EPHB1: variants seen among roughly 807,000 people sequenced by gnomAD.
EPHB1 encodes ephrin type-B receptor 1.
In EPHB1, 30 loss-of-function variants were observed where a neutral mutation model predicts 94.4. That is an observed-to-expected ratio of 0.32 (90% CI 0.24 to 0.43). The LOEUF (loss-of-function observed/expected upper bound fraction) is 0.43, where lower values mean the gene tolerates loss of function less well. Among genes scored for constraint, EPHB1 ranks in the 20% least tolerant of loss-of-function variants. The pLI is 1.00. For synonymous variants in EPHB1, 522 were observed against 489.1 expected (o/e 1.07, Z -0.89); for missense variants, 1,055 against 1,308.3 (o/e 0.81, Z 2.99).
rs1447272857 is a variant in EPHB1, at chr3:134,979,908, GT to G, written c.805+27864del. 2.6e-5 allele frequency among the ~76,000 whole-genome samples: 4 copies of G among 152,050 alleles called. No homozygotes were observed. The South Asian group carries it at 6.3e-4, about 24-fold the overall frequency. ...GTCTAGACCCTCTCTCCCTTAATCAGTTTTTTTTGTTGTTGTTGTTACTTTG... is the reference window on the plus strand; with the variant it reads ...GTCTAGACCCTCTCTCCCTTAATCAGTTTTTTTGTTGTTGTTGTTACTTTG... On this transcript the variant is annotated intron_variant, in intron 3 of 15. Transcript: ENST00000398015.
At chr3:134,993,474 G>A (rs1471745770) in intron 3 of EPHB1, among the ~76,000 whole-genome samples, 5 of 152,164 alleles carry the variant, frequency 3.3e-5, no homozygotes, top group Non-Finnish European at 5.9e-5. Context: ...TCAATTGATC[G>A]GGGACTGGAG....
intron 3 of EPHB1, among the ~76,000 whole-genome samples, chr3:134,974,892 G>A (rs1160618038): frequency 2.3e-5 from 2 of 88,178 alleles, no homozygotes; most frequent in African/African-American, 1.4e-4. Context: ...TGCTTGAGCT[G>A]CTCCTGTGCC....
At chr3:135,108,825 G>C (rs1333037885) in intron 4 of EPHB1, among the ~76,000 whole-genome samples, 1 of 152,180 alleles carries the variant, frequency 6.6e-6, no homozygotes, top group Admixed American at 6.5e-5. Context: ...TATGGAATGA[G>C]GTGGGAGCTT....
At chr3:134,799,344 T>C (rs1257830402) in intron 1 of EPHB1, among the ~76,000 whole-genome samples, 1 of 152,242 alleles carries the variant, frequency 6.6e-6, no homozygotes, top group African/African-American at 2.4e-5. Context: ...TGAACGTGCT[T>C]GAGCCTACAA....
intron 1 of EPHB1, among the ~76,000 whole-genome samples, chr3:134,886,991 C>T (rs751910004): frequency 3.3e-5 from 5 of 152,222 alleles, no homozygotes; most frequent in African/African-American, 4.8e-5. Flanking sequence ...GATATATAAT[C>T]ATGGAGCAAC....
At chr3:134,986,311 G>A (rs895964990) in intron 3 of EPHB1, among the ~76,000 whole-genome samples, 19 of 152,150 alleles carry the variant, frequency 1.2e-4, no homozygotes, top group African/African-American at 4.6e-4. Flanking sequence ...GCCAAGTAGG[G>A]GTGCTTTGTC....
intron 9 of EPHB1, among the ~76,000 whole-genome samples, chr3:135,179,581 G>A (rs370296398): frequency 7.9e-5 from 12 of 152,256 alleles, no homozygotes; most frequent in East Asian, 1.9e-4. Context: ...AACTGGTCCC[G>A]ATCTGTCACT....
intron 10 of EPHB1, among the ~76,000 whole-genome samples, chr3:135,190,937 T>A (rs1576457896): frequency 6.6e-6 from 1 of 152,138 alleles, no homozygotes; most frequent in East Asian, 1.9e-4. Flanking sequence ...GAGTATATGA[T>A]TCAATGTGAA....
chr3:135,172,523 A>C (rs1941833723), intron 9 of EPHB1, among the ~76,000 whole-genome samples: 2 of 152,206 alleles, frequency 1.3e-5, no homozygotes, highest in Non-Finnish European at 2.9e-5. Flanking sequence ...AAGCATGTCT[A>C]GTTCCAAGAT....
intron 3 of EPHB1, among the ~76,000 whole-genome samples, chr3:135,073,808 T>G (rs1406901612): frequency 6.6e-6 from 1 of 152,112 alleles, no homozygotes; most frequent in Non-Finnish European, 1.5e-5. Flanking sequence ...TAAGAAACCA[T>G]GTTGTTTGTC....
At chr3:135,256,848 G>T (rs1933416276) in intron 15 of EPHB1, among the ~76,000 whole-genome samples, 1 of 151,096 alleles carries the variant, frequency 6.6e-6, no homozygotes, top group Non-Finnish European at 1.5e-5. Flanking sequence ...TCACTTTCAG[G>T]TACACCAATC....
intron 3 of EPHB1, among the ~76,000 whole-genome samples, chr3:134,996,574 C>A (rs182956929): frequency 6.6e-6 from 1 of 152,222 alleles, no homozygotes; most frequent in African/African-American, 2.4e-5. Context: ...AATAAAAATT[C>A]CCAATGGCTG....
chr3:135,109,794 A>G (rs1328820126), intron 4 of EPHB1, among the ~76,000 whole-genome samples: 2 of 152,226 alleles, frequency 1.3e-5, no homozygotes, highest in Non-Finnish European at 2.9e-5. Context: ...CTGTCCCTGG[A>G]TGAGAGGTGC....
chr3:134,982,621 A>G (rs1257888637), intron 3 of EPHB1, among the ~76,000 whole-genome samples: 1 of 152,206 alleles, frequency 6.6e-6, no homozygotes, highest in Admixed American at 6.5e-5. Flanking sequence ...TGAACCAACT[A>G]CAATTAAACA....
intron 5 of EPHB1, among the ~76,000 whole-genome samples, chr3:135,138,518 A>T (rs1408504895): frequency 1.3e-5 from 2 of 152,248 alleles, no homozygotes; most frequent in African/African-American, 4.8e-5. Context: ...TAAATCTCAA[A>T]ATTAAATATT....
At chr3:135,220,796 A>C (rs1943263864) in intron 12 of EPHB1, among the ~76,000 whole-genome samples, 2 of 152,116 alleles carry the variant, frequency 1.3e-5, no homozygotes, top group African/African-American at 4.8e-5. Context: ...TTCACAGCCC[A>C]CTTGTGCCTG....
intron 3 of EPHB1, among the ~76,000 whole-genome samples, chr3:134,987,743 C>A (rs1234289739): frequency 2.6e-5 from 4 of 151,872 alleles, no homozygotes; most frequent in Non-Finnish European, 5.9e-5. Context: ...TGTATTCCAG[C>A]CTGGGTGACA....
At chr3:134,969,026 AGG>A (rs1291603603) in intron 3 of EPHB1, among the ~76,000 whole-genome samples, 1 of 152,226 alleles carries the variant, frequency 6.6e-6, no homozygotes, top group East Asian at 1.9e-4. Flanking sequence ...TCATTTCTCT[AGG>A]GCAAATACCC....
chr3:134,948,861 T>C (rs890517455), intron 2 of EPHB1, among the ~76,000 whole-genome samples: 4 of 152,330 alleles, frequency 2.6e-5, no homozygotes, highest in South Asian at 2.1e-4. Context: ...TGGACTAATA[T>C]GCTATGATAT....
Sources: allele counts gnomAD v4.1 joint callset (sites outside exome capture counted in the v4.1 genomes callset), GRCh38; gene constraint gnomAD v4.1.1; transcripts MANE v1.5; gene names NCBI Gene and HGNC (gene_info 2026-07-23, HGNC 2026-07-21).